Variants in CERS6 observed in about 807,000 individuals in gnomAD.
CERS6 encodes LAG1 homolog, ceramide synthase 6.
Under a neutral mutation model 56.8 loss-of-function variants are expected in CERS6, and 26 were observed. The observed-to-expected ratio is 0.46, with a 90% CI of 0.34 to 0.63. CERS6 has a LOEUF of 0.63. Among genes scored for constraint, CERS6 ranks in the 30% least tolerant of loss-of-function variants. The pLI is 0.01. For missense variants in CERS6, 415 were observed against 467.5 expected (o/e 0.89, Z 1.04); for synonymous variants, 164 against 173.3 (o/e 0.95, Z 0.42).
At chr2:168,480,162 G>A (rs1197995484) in intron 1 of CERS6, among the ~76,000 whole-genome samples, 1 of 152,172 alleles carries the variant, frequency 6.6e-6, no homozygotes, top group African/African-American at 2.4e-5. Context: ...TGAGAGAAAT[G>A]GATATGGATG....
In CERS6 at chr2:168,558,655, G is replaced by A. The variant is rs1695727098; in HGVS notation, c.277-2537G>A. On this transcript the variant is annotated intron_variant, in intron 2 of 9. Transcript: ENST00000305747. ...GAGGCCAAGGCGGGTGGATCACAAG[G>A]TCAGGAGATCGAGACCATCCTGGCT... 2.0e-5 allele frequency among the ~76,000 whole-genome samples: 3 copies of A among 152,192 alleles called. 1 individual carries two copies. In the South Asian group the frequency reaches 6.2e-4, roughly 31 times the overall value.
intron 3 of CERS6, among the ~76,000 whole-genome samples, chr2:168,603,695 C>A (rs1337053089): frequency 2.0e-5 from 3 of 152,266 alleles, no homozygotes; most frequent in Admixed American, 2.0e-4. Context: ...CAGTGGGAGA[C>A]CTGATTGTAA....
chr2:168,564,872 C>G (rs1695857103), intron 3 of CERS6, among the ~76,000 whole-genome samples: 1 of 152,200 alleles, frequency 6.6e-6, no homozygotes, highest in Non-Finnish European at 1.5e-5. Flanking sequence ...AATTCCAATT[C>G]TGTGTTGCTT....
At chr2:168,661,380 G>A (rs1685625821) in intron 4 of CERS6, among the ~76,000 whole-genome samples, 1 of 152,168 alleles carries the variant, frequency 6.6e-6, no homozygotes, top group African/African-American at 2.4e-5. Flanking sequence ...AATTTCCCAA[G>A]TACCAAATGT....
At chr2:168,657,426 C>G (rs537558281) in intron 4 of CERS6, among the ~76,000 whole-genome samples, 42 of 152,378 alleles carry the variant, frequency 2.8e-4, no homozygotes, top group African/African-American at 9.6e-4. Context: ...GCCAGTCCTG[C>G]GCCATGCGCT....
At chr2:168,729,448 G>T (rs547671883) in intron 8 of CERS6, among the ~76,000 whole-genome samples, 2 of 152,294 alleles carry the variant, frequency 1.3e-5, no homozygotes, top group East Asian at 1.9e-4. Flanking sequence ...TTGGTCTTGG[G>T]TCTCTCCTGC....
intron 5 of CERS6, among the ~76,000 whole-genome samples, chr2:168,691,616 T>C (rs531883524): frequency 6.6e-6 from 1 of 152,312 alleles, no homozygotes; most frequent in Non-Finnish European, 1.5e-5. Context: ...AACAGCATCA[T>C]TGAAAGTGAG....
At chr2:168,481,216 C>G (rs1362454759) in intron 1 of CERS6, among the ~76,000 whole-genome samples, 1 of 152,160 alleles carries the variant, frequency 6.6e-6, no homozygotes, top group Non-Finnish European at 1.5e-5. Flanking sequence ...GAGATCGAGA[C>G]CATCCTGGCT....
intron 8 of CERS6, among the ~76,000 whole-genome samples, chr2:168,726,972 C>T (rs1683370507): frequency 6.6e-6 from 1 of 152,118 alleles, no homozygotes; most frequent in Non-Finnish European, 1.5e-5. Context: ...GAAACTGTAC[C>T]AGTTTGCCAT....
intron 1 of CERS6, among the ~76,000 whole-genome samples, chr2:168,469,069 G>A (rs1052304183): frequency 6.6e-6 from 1 of 152,196 alleles, no homozygotes; most frequent in African/African-American, 2.4e-5. Context: ...ATTCAGTCTA[G>A]TGACATTGGG....
At chr2:168,753,605 T>C (rs1684337387) in intron 8 of CERS6, among the ~76,000 whole-genome samples, 1 of 152,202 alleles carries the variant, frequency 6.6e-6, no homozygotes, top group African/African-American at 2.4e-5. Context: ...ACTTACTGCA[T>C]CTCTCTCTTG....
intron 4 of CERS6, among the ~76,000 whole-genome samples, chr2:168,689,642 G>C (rs1686447191): frequency 6.6e-6 from 1 of 152,140 alleles, no homozygotes; most frequent in African/African-American, 2.4e-5. Flanking sequence ...GAGAAATGGA[G>C]GAGACAGACA....
chr2:168,710,267 C>T lies in CERS6; in HGVS notation c.610-4734C>T, dbSNP rs142137425. ...TAATTATAAAATGGTACTAATCCTC[C>T]ATAAGTGTTTTAATCAATTTATATT... On this transcript the variant is annotated intron_variant, in intron 6 of 9. Coordinates refer to ENST00000305747, the MANE Select transcript of CERS6 (RefSeq NM_203463.3). 2.4e-3 allele frequency among the ~76,000 whole-genome samples: 366 copies of T among 152,274 alleles called. 1 individual carries two copies. Among genetic ancestry groups the T allele is most frequent in the African/African-American group, 8.3e-3 (343 of 41,568 alleles).
intron 8 of CERS6, among the ~76,000 whole-genome samples, chr2:168,732,368 T>C (rs1683566935): frequency 6.6e-6 from 1 of 152,246 alleles, no homozygotes; most frequent in Non-Finnish European, 1.5e-5. Context: ...CTGGTGCCTC[T>C]TGCAGTTCAT....
At chr2:168,674,317 G>A (rs1196015176) in intron 4 of CERS6, among the ~76,000 whole-genome samples, 1 of 152,130 alleles carries the variant, frequency 6.6e-6, no homozygotes, top group Non-Finnish European at 1.5e-5. Flanking sequence ...GGTTGATTAA[G>A]CTGTATTATC....
At chr2:168,671,261 G>A (rs1476303496) in intron 4 of CERS6, among the ~76,000 whole-genome samples, 3 of 152,010 alleles carry the variant, frequency 2.0e-5, no homozygotes, top group African/African-American at 4.8e-5. Context: ...CGCTGGGCCC[G>A]GCCACATGCA....
chr2:168,618,523 T>G (rs911913010), intron 3 of CERS6, among the ~76,000 whole-genome samples: 5 of 152,184 alleles, frequency 3.3e-5, no homozygotes, highest in Non-Finnish European at 7.4e-5. Flanking sequence ...GATAAAAAAT[T>G]CAGCAAAGCT....
Position 168,586,689 on chromosome 2 carries a change from C to T in CERS6, c.407+25367C>T, listed in dbSNP as rs116448349. On this transcript the variant is annotated intron_variant, in intron 3 of 9. Coordinates refer to ENST00000305747, the MANE Select transcript of CERS6 (RefSeq NM_203463.3). ...TGGCTTTATGGTTCTGAAATTCAGGCTTGAATTCTGTCTGTACCCCTGATA... is the reference window on the plus strand; with the variant it reads ...TGGCTTTATGGTTCTGAAATTCAGGTTTGAATTCTGTCTGTACCCCTGATA... 4.4e-3 allele frequency among the ~76,000 whole-genome samples: 674 copies of T among 152,192 alleles called. 7 individuals are homozygous for T. Among genetic ancestry groups the T allele is most frequent in the African/African-American group, 0.015 (628 of 41,518 alleles).
intron 1 of CERS6, among the ~76,000 whole-genome samples, chr2:168,544,443 G>A (rs1434143042): frequency 2.0e-5 from 3 of 152,188 alleles, no homozygotes; most frequent in Non-Finnish European, 2.9e-5. Flanking sequence ...TGTGCACAGG[G>A]CTCTGGAGAT....
Sources: allele counts gnomAD v4.1 joint callset (sites outside exome capture counted in the v4.1 genomes callset), GRCh38; gene constraint gnomAD v4.1.1; transcripts MANE v1.5; gene names NCBI Gene and HGNC (gene_info 2026-07-23, HGNC 2026-07-21).